AKT3: variants seen among roughly 807,000 people sequenced by gnomAD.
AKT3 encodes AKT serine/threonine kinase 3.
AKT3 carries 15 observed loss-of-function variants against 65.3 expected under a neutral mutation model. The ratio of observed to expected loss-of-function variants is 0.23; its 90% confidence interval spans 0.15 to 0.35. The LOEUF is 0.35. AKT3 is among the 10% of genes least tolerant of loss of function. The pLI, the probability that AKT3 is intolerant of heterozygous loss-of-function variation, is 1.00. For synonymous variants in AKT3, 206 were observed against 183.8 expected, an observed-to-expected ratio of 1.12 and a Z score of -0.98; for missense variants, 243 against 576.5, an observed-to-expected ratio of 0.42 and a Z score of 5.92.
At chr1:243,772,630 G>C (rs563746808) in intron 2 of AKT3, among the ~76,000 whole-genome samples, 2 of 152,196 alleles carry the variant, frequency 1.3e-5, no homozygotes, top group Non-Finnish European at 1.5e-5. Context: ...ACAGTGTGGC[G>C]ATTCCTCAGA....
At chr1:243,766,492 T>C (rs1478738394) in intron 2 of AKT3, among the ~76,000 whole-genome samples, 2 of 152,206 alleles carry the variant, frequency 1.3e-5, no homozygotes, top group African/African-American at 4.8e-5. Flanking sequence ...AGACCTTAGG[T>C]AGATATTGCA....
intron 8 of AKT3, among the ~76,000 whole-genome samples, chr1:243,601,201 T>C (rs1230618477): frequency 6.6e-6 from 1 of 152,084 alleles, no homozygotes; most frequent in Non-Finnish European, 1.5e-5. Flanking sequence ...ATAAAATATA[T>C]ATATGATAAA....
At chr1:243,835,533 T>C (rs1234106848) in intron 2 of AKT3, among the ~76,000 whole-genome samples, 1 of 152,178 alleles carries the variant, frequency 6.6e-6, no homozygotes, top group African/African-American at 2.4e-5. Flanking sequence ...CAGAACTGTT[T>C]ATCAAAGGTT....
intron 6 of AKT3, among the ~76,000 whole-genome samples, chr1:243,627,496 T>G (rs1404465881): frequency 6.6e-6 from 1 of 152,238 alleles, no homozygotes; most frequent in Non-Finnish European, 1.5e-5. Context: ...CAGCTTACCA[T>G]TATAATTTGT....
intron 2 of AKT3, among the ~76,000 whole-genome samples, chr1:243,770,202 C>T (rs1295364846): frequency 6.6e-6 from 1 of 152,122 alleles, no homozygotes; most frequent in Non-Finnish European, 1.5e-5. Flanking sequence ...GCACCTAGCA[C>T]AGTGCCTGAA....
intron 6 of AKT3, among the ~76,000 whole-genome samples, chr1:243,616,307 TAA>T (rs57576796): frequency 1.1e-3 from 73 of 66,758 alleles, no homozygotes; most frequent in African/African-American, 3.9e-3. Flanking sequence ...GTGCTTTTCT[TAA>T]AAAAAAAAAA....
chr1:243,740,769 G>A (rs1170631702), intron 2 of AKT3: 1 of 152,148 alleles, frequency 6.6e-6, no homozygotes, highest in Non-Finnish European at 1.5e-5. Flanking sequence ...CAGGTCATTT[G>A]GCTCTCAAAC....
intron 3 of AKT3, among the ~76,000 whole-genome samples, chr1:243,691,872 G>A (rs1441130808): frequency 1.3e-5 from 2 of 152,114 alleles, no homozygotes; most frequent in Admixed American, 6.6e-5. Flanking sequence ...AAAAGTCAAC[G>A]TGTCCGCCCA....
intron 2 of AKT3, among the ~76,000 whole-genome samples, chr1:243,793,053 C>A (rs1023891953): frequency 1.3e-5 from 2 of 152,072 alleles, no homozygotes; most frequent in South Asian, 4.1e-4. Context: ...GAGTAACACC[C>A]GAAGTGAAGC....
intron 8 of AKT3, among the ~76,000 whole-genome samples, chr1:243,581,387 T>C (rs963007897): frequency 6.6e-6 from 1 of 152,146 alleles, no homozygotes; most frequent in African/African-American, 2.4e-5. Flanking sequence ...CAGTTAGCTC[T>C]TACCTCTAAG....
intron 8 of AKT3, among the ~76,000 whole-genome samples, chr1:243,574,755 T>C (rs968037036): frequency 2.0e-5 from 3 of 152,172 alleles, no homozygotes; most frequent in African/African-American, 4.8e-5. Context: ...ATTTCTGCCA[T>C]GCAAAATATC....
Position 243,589,318 on chromosome 1 carries a change from A to AAG in AKT3, c.697-16271_697-16270insCT, listed in dbSNP as rs1553410451. 3.3e-4 allele frequency among the ~76,000 whole-genome samples: 49 copies of AAG among 148,618 alleles called. No homozygotes were observed. In the East Asian group the frequency reaches 9.1e-3, roughly 28 times the overall value. ...CAAAACTCCATCTCAAAAAAAAAAA[A>AAG]AAAAAAGAAAAAAAAAGAAAAAAGA... On this transcript the variant is annotated intron_variant, in intron 8 of 13. Coordinates refer to ENST00000673466, the MANE Select transcript of AKT3 (RefSeq NM_005465.7).
At chr1:243,735,229 T>C (rs1401420302) in intron 2 of AKT3, 1 of 152,238 alleles carries the variant, frequency 6.6e-6, no homozygotes, top group Admixed American at 6.5e-5. Context: ...CTATGTACTG[T>C]ATATAATTGT....
chr1:243,715,107 T>C (rs1384791000), intron 2 of AKT3, among the ~76,000 whole-genome samples: 1 of 152,086 alleles, frequency 6.6e-6, no homozygotes, highest in Non-Finnish European at 1.5e-5. Flanking sequence ...GTATTGTTAG[T>C]TCAAGACAGA....
chr1:243,529,962 T>C (rs190732438), intron 12 of AKT3, among the ~76,000 whole-genome samples: 1 of 152,334 alleles, frequency 6.6e-6, no homozygotes, highest in Admixed American at 6.5e-5. Flanking sequence ...GTTTGTGTCA[T>C]CTCTGATTTC....
chr1:243,572,855 T>C (rs1674664916), intron 9 of AKT3, 71 bp downstream of exon 9: 1 of 1,421,030 alleles, frequency 7.0e-7, no homozygotes, highest in Non-Finnish European at 9.4e-7. Context: ...TGTATAACTT[T>C]GTAATTACTT....
intron 2 of AKT3, among the ~76,000 whole-genome samples, chr1:243,839,640 T>G (rs1017438213): frequency 1.3e-5 from 2 of 152,120 alleles, no homozygotes; most frequent in Non-Finnish European, 2.9e-5. Flanking sequence ...TACGTAATAA[T>G]GAATATTTAT....
intron 8 of AKT3, among the ~76,000 whole-genome samples, chr1:243,594,157 G>T (rs866539716): frequency 6.6e-6 from 1 of 152,128 alleles, no homozygotes; most frequent in Non-Finnish European, 1.5e-5. Flanking sequence ...TATGCTAACA[G>T]CAAACAATTG....
intron 2 of AKT3, 110 bp from the exon 3 acceptor site, chr1:243,695,826 T>G (rs745687680): frequency 7.6e-6 from 7 of 921,506 alleles, no homozygotes; most frequent in Non-Finnish European, 1.0e-5. Context: ...CTCCAAAAAT[T>G]TAGTTACTCA....
Sources: gnomAD v4.1 joint callset for allele counts (sites outside exome capture counted in the v4.1 genomes callset) on GRCh38, gnomAD v4.1.1 for gene constraint, MANE v1.5 for transcripts, NCBI Gene and HGNC (gene_info 2026-07-23, HGNC 2026-07-21) for gene names.